Variants in LPP observed in about 807,000 individuals in gnomAD.
LPP encodes the protein lipoma-preferred partner.
Under a neutral mutation model 60.4 loss-of-function variants are expected in LPP, and 38 were observed. That is an observed-to-expected ratio of 0.63 (90% CI 0.49 to 0.83). The LOEUF is 0.83. Ranked by LOEUF, LPP falls within the 40% of genes least tolerant of loss-of-function variation. The pLI, the probability that LPP is intolerant of heterozygous loss-of-function variation, is 0.00. For missense variants in LPP, 902 were observed against 783.6 expected (o/e 1.15, Z -1.80); for synonymous variants, 328 against 290.8 (o/e 1.13, Z -1.30).
At chr3:188,824,201 G>A (rs372604149) in intron 9 of LPP, among the ~76,000 whole-genome samples, 2 of 152,098 alleles carry the variant, frequency 1.3e-5, no homozygotes, top group African/African-American at 4.8e-5. Flanking sequence ...TCACTCATTC[G>A]GGTGGCGTGA....
chr3:188,874,226 A>C (rs1768943187), intron 11 of LPP, 125 bp from the exon 12 acceptor site: 2 of 740,382 alleles, frequency 2.7e-6, no homozygotes, highest in Non-Finnish European at 4.4e-6. Flanking sequence ...GCAGAATGTA[A>C]AGCAGGAAGG....
Position 188,881,185 on chromosome 3 carries a change from G to T in LPP, c.*6706G>T. On this transcript the variant is annotated 3_prime_UTR_variant, in exon 12 of 12. Transcript: ENST00000617246. ...AGGATCATGGCCCTTTTAAAGATCT[G>T]AATCTTCTCTGTTATTTTCCTGATG... 1 of 162,376 alleles carries T rather than the reference G, an allele frequency of 6.2e-6. No individual in the cohort carries two copies. The highest frequency in any genetic ancestry group is 1.3e-5 in the Non-Finnish European group (1 of 75,600). The allele number at this position is 162,376 out of a possible 1,614,324, so 10.1% of individuals were successfully genotyped here.
intron 3 of LPP, among the ~76,000 whole-genome samples, chr3:188,387,151 C>G (rs186789855): frequency 2.4e-4 from 36 of 152,142 alleles, no homozygotes; most frequent in African/African-American, 7.9e-4. Flanking sequence ...TAAACTTGTA[C>G]AAGTGAAGTT....
At chr3:188,299,724 GT>G (rs1749123924) in intron 2 of LPP, among the ~76,000 whole-genome samples, 1 of 152,198 alleles carries the variant, frequency 6.6e-6, no homozygotes. Flanking sequence ...AAGTAAAACA[GT>G]TTTGGAACCC....
chr3:188,363,905 C>A (rs1469253910), intron 3 of LPP, among the ~76,000 whole-genome samples: 15 of 96,894 alleles, frequency 1.5e-4, no homozygotes, highest in Admixed American at 3.9e-4. Context: ...AACTCCCTCC[C>A]AAAAAAAAAA....
intron 6 of LPP, among the ~76,000 whole-genome samples, chr3:188,600,162 T>A (rs1452672673): frequency 6.7e-6 from 1 of 149,424 alleles, no homozygotes; most frequent in Non-Finnish European, 1.5e-5. Flanking sequence ...TATTTTAGAG[T>A]GTGTTTGCTT....
intron 4 of LPP, among the ~76,000 whole-genome samples, chr3:188,465,234 G>T (rs986475709): frequency 2.0e-5 from 3 of 151,882 alleles, no homozygotes; most frequent in Admixed American, 6.6e-5. Flanking sequence ...TCCATTTCTG[G>T]ATTACTCTGT....
At chr3:188,390,692 A>T (rs1164347889) in intron 3 of LPP, among the ~76,000 whole-genome samples, 4 of 151,852 alleles carry the variant, frequency 2.6e-5, no homozygotes, top group African/African-American at 7.3e-5. Context: ...TCTGACACAT[A>T]AGGAAATTAG....
chr3:188,626,879 A>G (rs1378123212), intron 7 of LPP, among the ~76,000 whole-genome samples: 4 of 152,206 alleles, frequency 2.6e-5, no homozygotes, highest in South Asian at 4.1e-4. Context: ...AGGAAATGCA[A>G]CATGTTATAA....
intron 9 of LPP, among the ~76,000 whole-genome samples, chr3:188,804,717 G>A (rs1316390513): frequency 6.6e-6 from 1 of 151,960 alleles, no homozygotes; most frequent in Admixed American, 6.5e-5. Context: ...CCCTGGCTAG[G>A]GACTTTCAGT....
At chr3:188,716,611 G>C (rs940205347) in intron 8 of LPP, among the ~76,000 whole-genome samples, 3 of 152,182 alleles carry the variant, frequency 2.0e-5, no homozygotes, top group African/African-American at 7.2e-5. Flanking sequence ...TGTGGAAAAG[G>C]AATTTGACTT....
intron 5 of LPP, among the ~76,000 whole-genome samples, chr3:188,515,831 T>C (rs1817205462): frequency 6.6e-6 from 1 of 152,194 alleles, no homozygotes. Context: ...GTTTTTGTTT[T>C]TAAATTTGTG....
At chr3:188,351,861 C>T (rs1037180763) in intron 3 of LPP, among the ~76,000 whole-genome samples, 4 of 152,158 alleles carry the variant, frequency 2.6e-5, no homozygotes, top group African/African-American at 9.7e-5. Context: ...GACTTGTGGT[C>T]ACCCGAGTGT....
chr3:188,737,562 C>G (rs1722963355), intron 8 of LPP, among the ~76,000 whole-genome samples: 1 of 152,102 alleles, frequency 6.6e-6, no homozygotes, highest in South Asian at 2.1e-4. Flanking sequence ...ATACCATCCC[C>G]CTTTCCCACT....
chr3:188,266,552 C>G (rs970689481), intron 2 of LPP, among the ~76,000 whole-genome samples: 9 of 147,660 alleles, frequency 6.1e-5, no homozygotes, highest in South Asian at 2.1e-4. Flanking sequence ...ACGGGGAAGA[C>G]AGAGAGAGAG....
chr3:188,329,527 G>A (rs1311407239), intron 2 of LPP, among the ~76,000 whole-genome samples: 1 of 151,806 alleles, frequency 6.6e-6, no homozygotes, highest in Admixed American at 6.6e-5. Flanking sequence ...TGAGCTTTCA[G>A]CGTCCTGTCT....
intron 3 of LPP, among the ~76,000 whole-genome samples, chr3:188,398,912 A>G (rs996767778): frequency 6.6e-6 from 1 of 152,204 alleles, no homozygotes; most frequent in Non-Finnish European, 1.5e-5. Flanking sequence ...GGGTGACAGA[A>G]AAAGAGAAAA....
chr3:188,595,076 CTTAGGT>C (rs1839730853), intron 6 of LPP, among the ~76,000 whole-genome samples: 2 of 152,000 alleles, frequency 1.3e-5, no homozygotes, highest in Admixed American at 1.3e-4. Context: ...TCCAAAGAAC[CTTAGGT>C]ATCAGAATTT....
chr3:188,866,525 C>T (rs754159376), intron 10 of LPP, 147 bp downstream of exon 10: 46 of 588,620 alleles, frequency 7.8e-5, no homozygotes, highest in Admixed American at 6.8e-4. Context: ...TTGATCCCCT[C>T]CTCCAATGCA....
Sources: gnomAD v4.1 joint callset for allele counts (sites outside exome capture counted in the v4.1 genomes callset) on GRCh38, gnomAD v4.1.1 for gene constraint, MANE v1.5 for transcripts, NCBI Gene and HGNC (gene_info 2026-07-23, HGNC 2026-07-21) for gene names.